Variants in PLCL2 observed in about 807,000 individuals in gnomAD.
PLCL2 encodes inactive phospholipase C-like protein 2.
A neutral mutation model predicts 79.6 loss-of-function variants in PLCL2; 4 were observed. The ratio of observed to expected loss-of-function variants is 0.05; its 90% confidence interval spans 0.02 to 0.11. The LOEUF (loss-of-function observed/expected upper bound fraction) is 0.11, where lower values mean the gene tolerates loss of function less well. Among genes scored for constraint, PLCL2 ranks in the 10% least tolerant of loss-of-function variants. PLCL2 has a pLI of 1.00. For synonymous variants in PLCL2, 484 were observed against 457.7 expected (o/e 1.06, Z -0.73); for missense variants, 895 against 1,291.0 (o/e 0.69, Z 4.70).
rs145372774 is a variant in PLCL2 at position 17,083,663 on chromosome 3, G to T, written c.3205-6070G>T. Among the ~76,000 whole-genome samples, 548 of 152,280 alleles carry T rather than the reference G, an allele frequency of 3.6e-3. 5 individuals carry two copies. Among genetic ancestry groups the T allele is most frequent in the African/African-American group, 0.013 (522 of 41,542 alleles). On this transcript the variant is annotated intron_variant, in intron 5 of 5. Transcript: ENST00000615277. ...AAACCACAATGTTGGCAGTGAAGAT[G>T]GTAAAAAGTGGTGAGAAACTTTATA...
chr3:16,986,340 T>C (rs932568706), intron 1 of PLCL2, among the ~76,000 whole-genome samples: 1 of 151,994 alleles, frequency 6.6e-6, no homozygotes, highest in Non-Finnish European at 1.5e-5. Context: ...GTTAGTTCCT[T>C]CCGGACCCTA....
At chr3:17,070,290 C>T (rs1449916588) in intron 5 of PLCL2, among the ~76,000 whole-genome samples, 1 of 152,098 alleles carries the variant, frequency 6.6e-6, no homozygotes, top group Non-Finnish European at 1.5e-5. Flanking sequence ...GGCTGAGAGC[C>T]ACCAAAAATG....
In PLCL2 at chr3:17,011,902, A is replaced by G; in HGVS notation, c.2556A>G (p.Leu852=). The change falls in exon 2 of 6, where the codon TTA becomes TTG. Residue 852 remains leucine (L), a synonymous_variant. Coordinates refer to ENST00000615277, the MANE Select transcript of PLCL2 (RefSeq NM_001144382.2). The surrounding 1 kb of genome is among the most constrained non-coding windows in gnomAD (Gnocchi z 7.9). ...AGTACACAATTCCCTTTGAATGTTTACAGACGGGCTACCGCCATGTCCCCC... is the reference window on the plus strand; with the variant it reads ...AGTACACAATTCCCTTTGAATGTTTGCAGACGGGCTACCGCCATGTCCCCC... ...IGQYTIPFEC[L]QTGYRHVPLQ... The G allele has an allele frequency of 6.2e-7, 1 of 1,614,246 alleles. No homozygotes were observed. The highest frequency in any genetic ancestry group is 1.1e-5 in the South Asian group (1 of 91,092).
chr3:17,073,604 G>A (rs1421255840), intron 5 of PLCL2, among the ~76,000 whole-genome samples: 1 of 152,194 alleles, frequency 6.6e-6, no homozygotes, highest in Non-Finnish European at 1.5e-5. Flanking sequence ...ATGCTGTTCA[G>A]TAGCATTTTA....
At chr3:17,052,638 CT>C (rs911986729) in intron 4 of PLCL2, among the ~76,000 whole-genome samples, 4 of 152,222 alleles carry the variant, frequency 2.6e-5, no homozygotes, top group African/African-American at 7.2e-5. Context: ...CCTGCCTCCC[CT>C]GCCTTTCCTT....
intron 2 of PLCL2, among the ~76,000 whole-genome samples, chr3:17,014,349 A>G (rs1169709168): frequency 6.6e-6 from 1 of 151,904 alleles, no homozygotes; most frequent in East Asian, 1.9e-4. Context: ...TTTTTCTCCT[A>G]AATCTTTACC....
At chr3:16,987,288 C>G (rs2064060776) in intron 1 of PLCL2, among the ~76,000 whole-genome samples, 1 of 152,032 alleles carries the variant, frequency 6.6e-6, no homozygotes, top group Non-Finnish European at 1.5e-5. Context: ...CGCTTCCTAG[C>G]AGGAGAGGTT....
intron 1 of PLCL2, among the ~76,000 whole-genome samples, chr3:16,989,056 G>A (rs2124994100): frequency 6.6e-6 from 1 of 152,074 alleles, no homozygotes; most frequent in Non-Finnish European, 1.5e-5. Context: ...TTGTAACATT[G>A]CTTTCTCTTT....
At chr3:17,075,056 A>G (rs1023945498) in intron 5 of PLCL2, among the ~76,000 whole-genome samples, 5 of 152,248 alleles carry the variant, frequency 3.3e-5, no homozygotes, top group Non-Finnish European at 7.3e-5. Context: ...GTTTGGTGCA[A>G]GAGACCTAGC....
At chr3:17,005,120 G>GA (rs2064248572) in intron 1 of PLCL2, among the ~76,000 whole-genome samples, 1 of 152,078 alleles carries the variant, frequency 6.6e-6, no homozygotes, top group South Asian at 2.1e-4. Flanking sequence ...TAATCAAACA[G>GA]AAAATGGGAA....
intron 5 of PLCL2, among the ~76,000 whole-genome samples, chr3:17,073,469 A>T (rs969537822): frequency 6.6e-6 from 1 of 152,182 alleles, no homozygotes; most frequent in Non-Finnish European, 1.5e-5. Flanking sequence ...TTAATGGGTG[A>T]TGACTGATGA....
At chr3:16,928,678 A>G (rs561303635) in intron 1 of PLCL2, among the ~76,000 whole-genome samples, 8 of 152,330 alleles carry the variant, frequency 5.3e-5, no homozygotes, top group African/African-American at 1.9e-4. Context: ...CACCTGTTGT[A>G]TTACTTTGCA....
chr3:16,931,119 A>G (rs1697382717), intron 1 of PLCL2, among the ~76,000 whole-genome samples: 1 of 151,712 alleles, frequency 6.6e-6, no homozygotes, highest in South Asian at 2.1e-4. Flanking sequence ...CCTCCTTCCC[A>G]GGAAGATGCA....
chr3:17,063,620 T>G (rs758769022), intron 4 of PLCL2, among the ~76,000 whole-genome samples: 1 of 152,068 alleles, frequency 6.6e-6, no homozygotes, highest in Admixed American at 6.5e-5. Flanking sequence ...CTATCTAGTC[T>G]CCACGTGACT....
intron 1 of PLCL2, among the ~76,000 whole-genome samples, chr3:16,897,208 G>C (rs545598613): frequency 6.6e-6 from 1 of 151,732 alleles, no homozygotes; most frequent in African/African-American, 2.4e-5. Flanking sequence ...TAATTCCTTA[G>C]TAAAATTTGG....
At chr3:17,051,970 G>T (rs937935571) in intron 4 of PLCL2, among the ~76,000 whole-genome samples, 1 of 152,028 alleles carries the variant, frequency 6.6e-6, no homozygotes, top group African/African-American at 2.4e-5. Context: ...AGATTAAAGG[G>T]TCATAAGTAC....
intron 1 of PLCL2, among the ~76,000 whole-genome samples, chr3:16,894,540 A>G (rs904377028): frequency 6.6e-6 from 1 of 152,212 alleles, no homozygotes; most frequent in Non-Finnish European, 1.5e-5. Context: ...GGTCCAGCCA[A>G]TTTACACACC....
Position 17,015,765 on chromosome 3 carries a change from T to C in PLCL2, c.3018+854T>C, listed in dbSNP as rs531546954. 3.3e-5 allele frequency among the ~76,000 whole-genome samples: 5 copies of C among 152,362 alleles called. No individual in the cohort carries two copies. In the South Asian group the frequency reaches 8.3e-4, roughly 25 times the overall value. The stretch of plus-strand genomic sequence containing the variant: ...CCACGAAACTCTAGGTTTCTTCTGA[T>C]GTAGCTTGCTGTGCTCAAGGACAAA... On this transcript the variant is annotated intron_variant, in intron 3 of 5. Transcript: ENST00000615277.
At chr3:16,913,383 G>A (rs1696925466) in intron 1 of PLCL2, among the ~76,000 whole-genome samples, 1 of 150,886 alleles carries the variant, frequency 6.6e-6, no homozygotes, top group Non-Finnish European at 1.5e-5. Flanking sequence ...AGACTCTTCT[G>A]TGGGTTTACT....
Sources: allele counts gnomAD v4.1 joint callset (sites outside exome capture counted in the v4.1 genomes callset), GRCh38; gene constraint gnomAD v4.1.1; non-coding constraint Gnocchi (gnomAD v3.1); transcripts MANE v1.5; gene names NCBI Gene and HGNC (gene_info 2026-07-23, HGNC 2026-07-21).